Variants in CYP19A1 observed in about 807,000 individuals in gnomAD.
CYP19A1 encodes the protein aromatase.
CYP19A1 carries 32 observed loss-of-function variants against 44.4 expected under a neutral mutation model. The ratio of observed to expected loss-of-function variants is 0.72; its 90% CI spans 0.54 to 0.97. The LOEUF (loss-of-function observed/expected upper bound fraction) is 0.97. CYP19A1 is among the 50% of genes least tolerant of loss of function. The pLI is 0.00. For synonymous variants in CYP19A1, 212 were observed against 215.6 expected, an observed-to-expected ratio of 0.98 and a Z score of 0.14; for missense variants, 598 against 637.8, an observed-to-expected ratio of 0.94 and a Z score of 0.67.
At chr15:51,250,983 G>A (rs546684185) in intron 1 of CYP19A1, among the ~76,000 whole-genome samples, 9 of 152,320 alleles carry the variant, frequency 5.9e-5, no homozygotes, top group East Asian at 1.9e-4. Context: ...CAGATGAGCT[G>A]AGTACAAGAC....
At chr15:51,322,290 G>T (rs776228719) in intron 1 of CYP19A1, among the ~76,000 whole-genome samples, 1 of 152,224 alleles carries the variant, frequency 6.6e-6, no homozygotes, top group Non-Finnish European at 1.5e-5. Flanking sequence ...GTGCCCAAGA[G>T]CTGAGCAGAG....
intron 1 of CYP19A1, among the ~76,000 whole-genome samples, chr15:51,329,331 G>A (rs1001420286): frequency 2.6e-5 from 4 of 152,144 alleles, no homozygotes; most frequent in Admixed American, 6.5e-5. Context: ...CAGGAGCCAG[G>A]CAATGGCAAA....
At chr15:51,224,833 T>C (rs2032436134) in intron 4 of CYP19A1, among the ~76,000 whole-genome samples, 1 of 152,224 alleles carries the variant, frequency 6.6e-6, no homozygotes, top group African/African-American at 2.4e-5. Flanking sequence ...CTTGGCCACG[T>C]CCCTGAATGT....
chr15:51,233,756 T>G (rs2033197921), intron 3 of CYP19A1, among the ~76,000 whole-genome samples: 2 of 152,204 alleles, frequency 1.3e-5, no homozygotes, highest in African/African-American at 4.8e-5. Flanking sequence ...TACATAAATT[T>G]TTTTTGTATT....
chr15:51,305,552 G>A (rs62020106), intron 1 of CYP19A1, among the ~76,000 whole-genome samples: 102 of 152,000 alleles, frequency 6.7e-4, no homozygotes, highest in South Asian at 1.5e-3. Flanking sequence ...TAATAAATTT[G>A]TGTGTGTGTT....
chr15:51,281,517 G>A (rs1191263748), intron 1 of CYP19A1, among the ~76,000 whole-genome samples: 2 of 152,152 alleles, frequency 1.3e-5, no homozygotes, highest in African/African-American at 4.8e-5. Context: ...CATACAGCCC[G>A]GCAGCTCCTA....
chr15:51,328,547 GGTGT>G (rs56202041), intron 1 of CYP19A1, among the ~76,000 whole-genome samples: 49,016 of 147,180 alleles, frequency 0.33, 8,923 homozygotes, highest in African/African-American at 0.5. Context: ...ACAGGGCAGG[GGTGT>G]GTGTGTGTGT....
At chr15:51,301,107 G>A (rs1595770241) in intron 1 of CYP19A1, among the ~76,000 whole-genome samples, 1 of 152,284 alleles carries the variant, frequency 6.6e-6, no homozygotes, top group East Asian at 1.9e-4. Context: ...ATTTCGCTGG[G>A]GCTTGGAATG....
chr15:51,227,959 C>G lies in CYP19A1; in HGVS notation c.297-26G>C, dbSNP rs547448505. 2.1e-6 allele frequency: 3 copies of G among 1,444,792 alleles called. No individual in the cohort carries two copies. The East Asian group carries it at 6.8e-5, about 33-fold the overall frequency. 89.5% of individuals were successfully genotyped at this position (1,444,792 alleles called of 1,614,324 possible). On this transcript the variant is annotated intron_variant, in intron 3 of 9. Transcript: ENST00000396402. ...CTGAAAAGACAGGAAACTTTGGTGT[C>G]AATTTTTAAGGGTCAGGAGAACTCC...
At chr15:51,272,290 A>G (rs911475456) in intron 1 of CYP19A1, among the ~76,000 whole-genome samples, 4 of 152,218 alleles carry the variant, frequency 2.6e-5, no homozygotes, top group African/African-American at 9.6e-5. Flanking sequence ...AGCCCCAAAG[A>G]GCAGAAGTTC....
At chr15:51,244,106 G>T (rs192855618) in intron 1 of CYP19A1, among the ~76,000 whole-genome samples, 2 of 152,196 alleles carry the variant, frequency 1.3e-5, no homozygotes, top group Non-Finnish European at 2.9e-5. Flanking sequence ...TAGATTCACA[G>T]CCAGGGCTTC....
At chr15:51,279,891 T>C (rs1296427473) in intron 1 of CYP19A1, 1 of 152,234 alleles carries the variant, frequency 6.6e-6, no homozygotes, top group African/African-American at 2.4e-5. Flanking sequence ...TGTATTCTCC[T>C]CTTTTCCCAA....
chr15:51,292,137 G>T (rs902172688), intron 1 of CYP19A1, among the ~76,000 whole-genome samples: 1 of 152,202 alleles, frequency 6.6e-6, no homozygotes, highest in African/African-American at 2.4e-5. Context: ...GGTGGATGAA[G>T]GTGAAGGAAC....
chr15:51,221,328 C>T (rs537166677), intron 5 of CYP19A1: 1 of 152,234 alleles, frequency 6.6e-6, no homozygotes, highest in East Asian at 1.9e-4. Context: ...CTAAAACATT[C>T]TTTAAGAGTA....
chr15:51,228,468 C>T (rs1266404424), intron 3 of CYP19A1, among the ~76,000 whole-genome samples: 1 of 152,224 alleles, frequency 6.6e-6, no homozygotes, highest in Non-Finnish European at 1.5e-5. Flanking sequence ...CAGGCCTGCC[C>T]CCTCCAGTGG....
chr15:51,272,098 T>C (rs1411586369), intron 1 of CYP19A1, among the ~76,000 whole-genome samples: 1 of 152,222 alleles, frequency 6.6e-6, no homozygotes, highest in Non-Finnish European at 1.5e-5. Context: ...CAGCACTCTC[T>C]CATCCATGCT....
intron 1 of CYP19A1, among the ~76,000 whole-genome samples, chr15:51,248,438 G>A (rs565725235): frequency 6.6e-6 from 1 of 152,328 alleles, no homozygotes; most frequent in South Asian, 2.1e-4. Context: ...ACTTTGTAAT[G>A]TCAGCCATAG....
At chr15:51,248,669 G>C (rs1306503860) in intron 1 of CYP19A1, among the ~76,000 whole-genome samples, 1 of 152,124 alleles carries the variant, frequency 6.6e-6, no homozygotes, top group African/African-American at 2.4e-5. Context: ...CTCTCTTTCA[G>C]AACTGTATTC....
chr15:51,257,012 C>T (rs2034540726), intron 1 of CYP19A1, among the ~76,000 whole-genome samples: 1 of 152,206 alleles, frequency 6.6e-6, no homozygotes, highest in Admixed American at 6.5e-5. Flanking sequence ...CCCCTCCAAT[C>T]TTAAGTGTCT....
Sources: gnomAD v4.1 joint callset for allele counts (sites outside exome capture counted in the v4.1 genomes callset) on GRCh38, gnomAD v4.1.1 for gene constraint, MANE v1.5 for transcripts, NCBI Gene and HGNC (gene_info 2026-07-23, HGNC 2026-07-21) for gene names.